Variants in DDX24 observed in about 807,000 individuals in gnomAD.
The protein encoded by DDX24 is DEAD-box helicase 24.
A neutral mutation model predicts 68.9 loss-of-function variants in DDX24; 24 were observed. That is an observed-to-expected ratio of 0.35 (90% CI 0.25 to 0.49). The LOEUF (loss-of-function observed/expected upper bound fraction) is 0.49. Ranked by LOEUF, DDX24 falls within the 20% of genes least tolerant of loss-of-function variation. The probability of loss-of-function intolerance (pLI) is 0.99; values close to 1 mark genes in which losing one functional copy is unlikely to be tolerated. For synonymous variants in DDX24, 395 were observed against 385.2 expected, an observed-to-expected ratio of 1.03 and a Z score of -0.30; for missense variants, 989 against 1,039.0, an observed-to-expected ratio of 0.95 and a Z score of 0.66.
chr14:94,050,978 C>T lies in DDX24; in HGVS notation c.*213G>A. Reference sequence around the variant, plus strand: ...GTTTAACACACAAGAAGCCTATAAACACTGCAATACAGAAAAATTAAGCTG... The same window carrying T: ...GTTTAACACACAAGAAGCCTATAAATACTGCAATACAGAAAAATTAAGCTG... On this transcript the variant is annotated 3_prime_UTR_variant, in exon 9 of 9. Coordinates refer to ENST00000621632, the MANE Select transcript of DDX24 (RefSeq NM_020414.4). 1 of 430,430 alleles carries T rather than the reference C, an allele frequency of 2.3e-6. No homozygotes were observed. Among genetic ancestry groups the T allele is most frequent in the Non-Finnish European group, 4.0e-6 (1 of 249,980 alleles). 26.7% of individuals were successfully genotyped at this position (430,430 alleles called of 1,614,324 possible).
chr14:94,062,673 A>G (rs1885622683), intron 2 of DDX24, 52 bp from the exon 3 acceptor site: 10 of 1,537,978 alleles, frequency 6.5e-6, no homozygotes, highest in Non-Finnish European at 7.9e-6. Flanking sequence ...TCAACAGATG[A>G]ACATACTTTA....
intron 8 of DDX24, among the ~76,000 whole-genome samples, chr14:94,052,507 G>T (rs1885406841): frequency 1.3e-5 from 2 of 152,178 alleles, no homozygotes; most frequent in Non-Finnish European, 2.9e-5. Context: ...GGTGTAGTAG[G>T]AACCATAATG....
intron 2 of DDX24, among the ~76,000 whole-genome samples, chr14:94,067,894 A>G (rs1269075035): frequency 2.0e-5 from 3 of 152,216 alleles, no homozygotes; most frequent in African/African-American, 7.2e-5. Context: ...TCTTTAAAGT[A>G]TAAAGTAAAA....
intron 1 of DDX24, 82 bp from the exon 2 acceptor site, chr14:94,079,829 A>G (rs1886025931): frequency 3.1e-6 from 4 of 1,291,396 alleles, no homozygotes; most frequent in Non-Finnish European, 4.3e-6. Context: ...CTAAGCAACT[A>G]GGCCCTACAA....
In DDX24 at chr14:94,075,714, G is replaced by T. The variant is rs181461341; in HGVS notation, c.718+3311C>A. Reference sequence around the variant, plus strand: ...CTTTGAAAAACACTGTTAAGAGAACGAAAAGATAAGCCACAAACTGGGAGA... The same window carrying T: ...CTTTGAAAAACACTGTTAAGAGAACTAAAAGATAAGCCACAAACTGGGAGA... On this transcript the variant is annotated intron_variant, in intron 2 of 8. Transcript: ENST00000621632. 2.1e-3 allele frequency among the ~76,000 whole-genome samples: 322 copies of T among 152,256 alleles called. 1 individual carries two copies. Among genetic ancestry groups the T allele is most frequent in the Middle Eastern group, 0.01 (3 of 294 alleles).
chr14:94,059,551 A>G (rs922805570), intron 5 of DDX24, among the ~76,000 whole-genome samples: 8 of 152,376 alleles, frequency 5.3e-5, no homozygotes, highest in African/African-American at 1.9e-4. Flanking sequence ...TATACATACT[A>G]TGTGCTAGAG....
At position 94,055,120 on chromosome 14, in the gene DDX24, C is replaced by G. The variant is rs1567057411; in HGVS notation, c.2054G>C (p.Gly685Ala). The G allele has an allele frequency of 6.2e-7, 1 of 1,614,156 alleles. No individual in the cohort carries two copies. The change falls in exon 7 of 9, where the codon GGC (glycine) becomes GCC (alanine). Residue 685 changes from glycine (G) to alanine (A), a missense_variant. Gly to Ala is a moderately conservative substitution (Grantham distance 60, BLOSUM62 0). Around this residue, in one of 3 missense-constraint regions of DDX24, gnomAD observed 691 missense variants for 760.0 expected, o/e 0.91. Coordinates refer to ENST00000621632, the MANE Select transcript of DDX24 (RefSeq NM_020414.4). ...SGRTARATNE[G>A]LSLMLIGPED... ...AGGCCCAATGAGCATCAGACTGAGG[C>G]CTTCATTGGTAGCTCGAGCAGTTCG... is the stretch of plus-strand genomic sequence containing the variant.
chr14:94,051,580 A>C lies in DDX24; in HGVS notation c.2309-118T>G, dbSNP rs1885389586. 1.3e-5 allele frequency: 18 copies of C among 1,387,390 alleles called. No homozygotes were observed. In the South Asian group the frequency reaches 2.3e-4, roughly 18 times the overall value. The allele number at this position is 1,387,390 out of a possible 1,614,324, so 85.9% of individuals were successfully genotyped here. A position where few individuals can be genotyped will look rare whatever the true frequency, so the allele number is the denominator to read the frequency against. The stretch of plus-strand genomic sequence containing the variant: ...AACTACTTTAGGGAGGCAGGGTTCA[A>C]AAGTTCTCTGAAGAAGCTAGTGGTG... On this transcript the variant is annotated intron_variant, in intron 8 of 8. Coordinates refer to ENST00000621632, the MANE Select transcript of DDX24 (RefSeq NM_020414.4).
chr14:94,062,336 T>C lies in DDX24; in HGVS notation c.1004A>G (p.Asp335Gly). The stretch of plus-strand genomic sequence containing the variant: ...GGAAGAAGGCCCTTCACCAGCATCA[T>C]CGTCACCAAAGAGCAACGCCTGGTC... Reference protein sequence around the residue: ...VSDQALLFGDDDAGEGPSSLI... With the variant: ...VSDQALLFGDGDAGEGPSSLI... Residue 335 changes from aspartate to glycine, a missense_variant, in exon 3 of 9, where the codon GAT becomes GGT. Transcript: ENST00000621632. 1.9e-6 allele frequency: 3 copies of C among 1,614,234 alleles called. No homozygotes were observed. Among genetic ancestry groups the C allele is most frequent in the Non-Finnish European group, 1.7e-6 (2 of 1,180,036 alleles).
In DDX24 at chr14:94,065,901, T is replaced by C. The variant is rs570482086; in HGVS notation, c.719-3280A>G. ...CCTGCCTGGCACCACAGGGATCCACTGGGAGGGTGGCCACAGGAGCTGGGG... is the reference window on the plus strand; with the variant it reads ...CCTGCCTGGCACCACAGGGATCCACCGGGAGGGTGGCCACAGGAGCTGGGG... On this transcript the variant is annotated intron_variant, in intron 2 of 8. Transcript: ENST00000621632. Among the ~76,000 whole-genome samples, 10 of 152,270 alleles carry C rather than the reference T, an allele frequency of 6.6e-5. No individual in the cohort carries two copies. The East Asian group carries it at 1.9e-3, about 29-fold the overall frequency.
chr14:94,048,768 G>GC lies in DDX24; in HGVS notation c.*2422dup, dbSNP rs58727481. On this transcript the variant is annotated 3_prime_UTR_variant, in exon 9 of 9. Coordinates refer to ENST00000621632, the MANE Select transcript of DDX24 (RefSeq NM_020414.4). ...GGGAACCATGAGAGAGAGTCTAGGAGCAAACACATCACCACCCTGAGCAGA... is the reference window on the plus strand; with the variant it reads ...GGGAACCATGAGAGAGAGTCTAGGAGCCAAACACATCACCACCCTGAGCAGA... The GC allele has an allele frequency of 0.53, 80,639 of 151,948 alleles. 23,446 individuals are homozygous for GC. Among genetic ancestry groups the GC allele is most frequent in the African/African-American group, 0.79 (32,540 of 41,422 alleles). 9.4% of individuals were successfully genotyped at this position (151,948 alleles called of 1,614,324 possible).
chr14:94,050,060 A>G lies in DDX24; in HGVS notation c.*1131T>C, dbSNP rs1450563866. 6.6e-6 allele frequency: 1 copy of G among 152,186 alleles called. No individual in the cohort carries two copies. Among genetic ancestry groups the G allele is most frequent in the Non-Finnish European group, 1.5e-5 (1 of 68,038 alleles). 9.4% of individuals were successfully genotyped at this position (152,186 alleles called of 1,614,324 possible). On this transcript the variant is annotated 3_prime_UTR_variant, in exon 9 of 9. Coordinates refer to ENST00000621632, the MANE Select transcript of DDX24 (RefSeq NM_020414.4). ...AGCACCCCTTGAACTAAACAGCTGT[A>G]TTGTATTGTGCCCCGACGAATACCT...
intron 3 of DDX24, among the ~76,000 whole-genome samples, chr14:94,061,289 C>T (rs1885591837): frequency 6.6e-6 from 1 of 152,112 alleles, no homozygotes; most frequent in African/African-American, 2.4e-5. Context: ...CATTTCTTTT[C>T]TACTCCCTCC....
intron 2 of DDX24, among the ~76,000 whole-genome samples, chr14:94,078,602 C>T (rs926928806): frequency 6.6e-6 from 1 of 152,196 alleles, no homozygotes; most frequent in Non-Finnish European, 1.5e-5. Context: ...CAGTTCTTCC[C>T]TATACTCATG....
At chr14:94,058,000 C>G in intron 5 of DDX24, 103 bp from the exon 6 acceptor site, 1 of 1,058,264 alleles carries the variant, frequency 9.4e-7, no homozygotes, top group Non-Finnish European at 1.4e-6. Context: ...CTTACCAATA[C>G]TCTGTAAGAT....
rs776446972 is a variant in DDX24, at chr14:94,051,239, C to T, written c.2532G>A (p.Pro844=). 28 of 1,590,240 alleles carry T rather than the reference C, an allele frequency of 1.8e-5. No homozygotes were observed. Among genetic ancestry groups the T allele is most frequent in the Middle Eastern group, 3.4e-4 (2 of 5,918 alleles). The change falls in exon 9 of 9, where the codon CCG becomes CCA. Residue 844 remains proline (P), a synonymous_variant. Transcript: ENST00000621632. ...GTGGCTGTTCCGGCTGTGGCTCCTT[C>T]GGCTTCTTTGTCTTCTTCTTCTTCT... ...SKQKKKKTKK[P]KEPQPEQPQP...
At chr14:94,061,972 T>A in intron 3 of DDX24, 125 bp downstream of exon 3, 1 of 1,099,148 alleles carries the variant, frequency 9.1e-7, no homozygotes, top group Non-Finnish European at 1.3e-6. Context: ...CTGTAGGGCT[T>A]AATTGTCTGG....
intron 2 of DDX24, among the ~76,000 whole-genome samples, chr14:94,074,589 C>CA (rs1213313888): frequency 6.6e-6 from 1 of 152,134 alleles, no homozygotes; most frequent in Non-Finnish European, 1.5e-5. Flanking sequence ...AAAGCACCTA[C>CA]AAAAAACCTA....
intron 8 of DDX24, chr14:94,051,763 G>C (rs936173085): frequency 6.3e-6 from 2 of 315,564 alleles, no homozygotes; most frequent in Non-Finnish European, 1.1e-5. Context: ...TCACATCACA[G>C]AGCCAGTCAT....
Sources: allele counts gnomAD v4.1 joint callset (sites outside exome capture counted in the v4.1 genomes callset), GRCh38; gene constraint gnomAD v4.1.1; regional missense constraint gnomAD v4.1.1; transcripts MANE v1.5; gene names NCBI Gene and HGNC (gene_info 2026-07-23, HGNC 2026-07-21).